The following EZR variants were observed in gnomAD, a reference collection of about 807,000 sequenced individuals.
EZR encodes the protein ezrin, also known as cytovillin 2.
In EZR, 40 loss-of-function variants were observed where a neutral mutation model predicts 74.8. That is an observed-to-expected ratio of 0.53 (90% confidence interval 0.42 to 0.70). EZR has a LOEUF of 0.70. Ranked by LOEUF, EZR falls within the 30% of genes least tolerant of loss-of-function variation. EZR has a pLI of 0.00. For missense variants in EZR, 678 were observed against 755.8 expected (o/e 0.90, Z 1.21); for synonymous variants, 341 against 283.3 (o/e 1.20, Z -2.05).
chr6:158,812,323 CAGGAGAAAGGAATATATA>C (rs1777466375), intron 2 of EZR, among the ~76,000 whole-genome samples: 1 of 152,096 alleles, frequency 6.6e-6, no homozygotes, highest in African/African-American at 2.4e-5. Context: ...GATTGGGGTG[CAGGAGAAAGGAATATATA>C]ATAACTGCCC....
chr6:158,806,650 A>G (rs946769110), intron 2 of EZR, among the ~76,000 whole-genome samples: 2 of 151,978 alleles, frequency 1.3e-5, no homozygotes, highest in South Asian at 2.1e-4. Context: ...ATATTATTCA[A>G]TTTTCCTCCA....
At chr6:158,801,227 G>A (rs892702869) in intron 2 of EZR, among the ~76,000 whole-genome samples, 5 of 152,310 alleles carry the variant, frequency 3.3e-5, no homozygotes, top group Middle Eastern at 3.4e-3. Context: ...CGATTCTCCT[G>A]CCTCAGTCTC....
chr6:158,771,424 G>C lies in EZR; in HGVS notation c.796-17C>G. 6.4e-7 allele frequency: 1 copy of C among 1,573,222 alleles called. No individual in the cohort carries two copies. The highest frequency in any genetic ancestry group is 8.6e-7 in the Non-Finnish European group (1 of 1,157,748). Reference sequence around the variant, plus strand: ...CACAAAGTCCTACAAAACAGAACAGGGCCACCTGGACTCAAGCTCCTTCGT... The same window carrying C: ...CACAAAGTCCTACAAAACAGAACAGCGCCACCTGGACTCAAGCTCCTTCGT... On this transcript the variant is annotated splice_polypyrimidine_tract_variant and intron_variant, in intron 8 of 13. Transcript: ENST00000367075.
Position 158,773,145 on chromosome 6 carries a change from T to A in EZR, c.796-1738A>T, listed in dbSNP as rs1023474349. Among the ~76,000 whole-genome samples the A allele has an allele frequency of 1.5e-4, 23 of 152,202 alleles. 1 individual carries two copies. Among genetic ancestry groups the A allele is most frequent in the East Asian group, 5.8e-4 (3 of 5,196 alleles). The stretch of plus-strand genomic sequence containing the variant: ...AGGACTCTACCAAATAGGCCCTGAC[T>A]CAGAAAACGCTGATTAGCACCAACT... On this transcript the variant is annotated intron_variant, in intron 8 of 13. Coordinates refer to ENST00000367075, the MANE Select transcript of EZR (RefSeq NM_001111077.2).
At chr6:158,773,495 G>A (rs1049875571) in intron 8 of EZR, among the ~76,000 whole-genome samples, 1 of 152,248 alleles carries the variant, frequency 6.6e-6, no homozygotes, top group African/African-American at 2.4e-5. Flanking sequence ...AAGACCTGGA[G>A]CAGGGTTTTT....
chr6:158,774,288 G>C (rs1431113740), intron 8 of EZR, among the ~76,000 whole-genome samples: 1 of 152,158 alleles, frequency 6.6e-6, no homozygotes, highest in Non-Finnish European at 1.5e-5. Context: ...GCCCACTCAA[G>C]GCAAATGCTG....
Position 158,805,302 on chromosome 6 carries a change from G to A in EZR, c.12+12780C>T, listed in dbSNP as rs1777310288. On this transcript the variant is annotated intron_variant, in intron 2 of 13. Transcript: ENST00000367075. The stretch of plus-strand genomic sequence containing the variant: ...TGCAGTGAGCCTACATGGCGCCACT[G>A]CACTCCCAGCCTGGTGACAGAGACT... 2.2e-5 allele frequency among the ~76,000 whole-genome samples: 3 copies of A among 138,176 alleles called. No homozygotes were observed. In the South Asian group the frequency reaches 6.8e-4, roughly 31 times the overall value. The allele number at this position is 138,176 out of a possible 152,430, so 90.6% of individuals were successfully genotyped here.
intron 6 of EZR, among the ~76,000 whole-genome samples, chr6:158,784,106 A>T (rs1196699010): frequency 2.0e-5 from 3 of 152,116 alleles, no homozygotes; most frequent in Admixed American, 6.5e-5. Flanking sequence ...AACCTCAAAC[A>T]AACTTCAGAG....
At chr6:158,788,325 CCT>C (rs1791638612) in intron 3 of EZR, 1 of 152,232 alleles carries the variant, frequency 6.6e-6, no homozygotes, top group Non-Finnish European at 1.5e-5. Flanking sequence ...TGTTCTTCCC[CCT>C]CTTCCCACTC....
chr6:158,818,155 C>T lies in EZR; in HGVS notation c.-62G>A, dbSNP rs1777603160. 2.5e-6 allele frequency: 4 copies of T among 1,593,398 alleles called. No homozygotes were observed. The highest frequency in any genetic ancestry group is 1.7e-6 in the Non-Finnish European group (2 of 1,165,258). ...CACGACTATCCAGCAGCAGCGAAGA[C>T]GCTGTCCCAACCTGGAGTCAGAGCA... On this transcript the variant is annotated 5_prime_UTR_variant, in exon 2 of 14. Coordinates refer to ENST00000367075, the MANE Select transcript of EZR (RefSeq NM_001111077.2).
intron 2 of EZR, chr6:158,789,625 TTC>T (rs1381602786): frequency 3.6e-6 from 2 of 552,618 alleles, no homozygotes; most frequent in Non-Finnish European, 6.9e-6. Context: ...TAAGCAGTTT[TTC>T]TCTTTTCTTT....
intron 6 of EZR, 40 bp downstream of exon 6, chr6:158,784,604 C>A (rs751752351): frequency 1.9e-6 from 3 of 1,564,850 alleles, no homozygotes; most frequent in South Asian, 2.2e-5. Context: ...CTGGAGCGCA[C>A]GGAGATGGCA....
intron 1 of EZR, among the ~76,000 whole-genome samples, chr6:158,819,027 T>A (rs547578826): frequency 4.6e-4 from 70 of 152,074 alleles, no homozygotes; most frequent in Non-Finnish European, 2.1e-4. Context: ...TTTGAGAAAC[T>A]CTTTCAAAAA....
chr6:158,811,167 G>A (rs1777443153), intron 2 of EZR, among the ~76,000 whole-genome samples: 1 of 152,160 alleles, frequency 6.6e-6, no homozygotes, highest in African/African-American at 2.4e-5. Flanking sequence ...TACATCAGAA[G>A]GAAAATAATG....
Position 158,779,328 on chromosome 6 carries a change from G to C in EZR, c.699-2824C>G, listed in dbSNP as rs147150577. On this transcript the variant is annotated intron_variant, in intron 7 of 13. Transcript: ENST00000367075. Reference sequence around the variant, plus strand: ...ACTGGAACTATCCCACATCGAAGGAGACAGGGAGGTCTGACAACTAACTGT... The same window carrying C: ...ACTGGAACTATCCCACATCGAAGGACACAGGGAGGTCTGACAACTAACTGT... Among the ~76,000 whole-genome samples the C allele has an allele frequency of 7.8e-3, 1,195 of 152,284 alleles. 9 individuals are homozygous for C. The highest frequency in any genetic ancestry group is 0.027 in the African/African-American group (1,120 of 41,550).
chr6:158,807,103 G>A (rs887473998), intron 2 of EZR, among the ~76,000 whole-genome samples: 4 of 152,106 alleles, frequency 2.6e-5, no homozygotes, highest in Non-Finnish European at 5.9e-5. Context: ...ATGAGGTCAG[G>A]AGATCAAGAC....
chr6:158,818,071 G>A lies in EZR; in HGVS notation c.12+11C>T. Reference sequence around the variant, plus strand: ...CTCCCGTCCGCCCGGCCCAGAAACTGGGCAACTTACTGGTTTCGGCATTTT... The same window carrying A: ...CTCCCGTCCGCCCGGCCCAGAAACTAGGCAACTTACTGGTTTCGGCATTTT... On this transcript the variant is annotated intron_variant, in intron 2 of 13. Transcript: ENST00000367075. The A allele has an allele frequency of 6.2e-7, 1 of 1,608,998 alleles. No individual in the cohort carries two copies. Among genetic ancestry groups the A allele is most frequent in the Non-Finnish European group, 8.5e-7 (1 of 1,176,666 alleles).
At position 158,776,431 on chromosome 6, in the gene EZR, TA is replaced by T; in HGVS notation, c.771del (p.Lys258AsnfsTer17). 1 of 1,613,958 alleles carries T rather than the reference TA, an allele frequency of 6.2e-7. No individual in the cohort carries two copies. The highest frequency in any genetic ancestry group is 8.5e-7 in the Non-Finnish European group (1 of 1,179,882). On this transcript the variant is annotated frameshift_variant, in exon 8 of 14. Transcript: ENST00000367075. LOFTEE classifies it high-confidence loss of function. ...NISFNDKKFV[I>X]KPIDKKAPDF... ...ACAGGTGCCTTCTTGTCGATGGGTT[TA>T]ATGACAAACTTTTTGTCATTGAAAG... is the stretch of plus-strand genomic sequence containing the variant.
At chr6:158,802,570 T>C (rs983426425) in intron 2 of EZR, among the ~76,000 whole-genome samples, 1 of 152,196 alleles carries the variant, frequency 6.6e-6, no homozygotes, top group Non-Finnish European at 1.5e-5. Flanking sequence ...TCACTCTTGT[T>C]GCCCAGGCTG....
Sources: gnomAD v4.1 joint callset for allele counts (sites outside exome capture counted in the v4.1 genomes callset) on GRCh38, gnomAD v4.1.1 for gene constraint, MANE v1.5 for transcripts, NCBI Gene and HGNC (gene_info 2026-07-23, HGNC 2026-07-21) for gene names.